The following TDRD12 variants were observed in gnomAD, a reference collection of about 807,000 sequenced individuals.
TDRD12 encodes the protein putative ATP-dependent RNA helicase TDRD12.
A neutral mutation model predicts 133.5 loss-of-function variants in TDRD12; 158 were observed. The ratio of observed to expected loss-of-function variants is 1.18; its 90% CI spans 1.04 to 1.35. The LOEUF (loss-of-function observed/expected upper bound fraction) is 1.35. Among genes scored for constraint, TDRD12 ranks in the 40% most tolerant of loss-of-function variants. The pLI is 0.00. For synonymous variants in TDRD12, 460 were observed against 477.9 expected (o/e 0.96, Z 0.49); for missense variants, 1,443 against 1,321.3 (o/e 1.09, Z -1.43).
intron 6 of TDRD12, among the ~76,000 whole-genome samples, chr19:32,755,700 G>T (rs1969971678): frequency 6.6e-6 from 1 of 152,220 alleles, no homozygotes; most frequent in African/African-American, 2.4e-5. Context: ...TTCGTGTTTT[G>T]TCTCTGTCCT....
intron 1 of TDRD12, among the ~76,000 whole-genome samples, chr19:32,721,869 G>T (rs962228984): frequency 5.3e-5 from 8 of 150,000 alleles, no homozygotes; most frequent in African/African-American, 2.0e-4. Context: ...CACCACGCCT[G>T]GCTAATTTTT....
chr19:32,729,783 T>C (rs1276059802), intron 1 of TDRD12, among the ~76,000 whole-genome samples: 5 of 114,242 alleles, frequency 4.4e-5, no homozygotes, highest in Admixed American at 8.3e-5. Context: ...TTTTTCTTTT[T>C]TTTTTTTTTT....
At chr19:32,781,104 G>A (rs1358006711) in intron 11 of TDRD12, among the ~76,000 whole-genome samples, 1 of 151,874 alleles carries the variant, frequency 6.6e-6, no homozygotes, top group African/African-American at 2.4e-5. Flanking sequence ...CATCACGCCT[G>A]GCTAATTTTT....
chr19:32,794,091 G>C (rs1428544109), intron 13 of TDRD12, among the ~76,000 whole-genome samples: 18 of 112,130 alleles, frequency 1.6e-4, no homozygotes, highest in Admixed American at 1.5e-3. Context: ...ACTGTGCCTG[G>C]CTTTTTTTTT....
In TDRD12 at chr19:32,800,083, T is replaced by C. The variant is rs972128633; in HGVS notation, c.1759-84T>C. Reference sequence around the variant, plus strand: ...TTCTCCACTCTGAGAACAGAAAATATACAAACCCTTACATTTTATGTTCTG... The same window carrying C: ...TTCTCCACTCTGAGAACAGAAAATACACAAACCCTTACATTTTATGTTCTG... On this transcript the variant is annotated intron_variant, in intron 16 of 27. Coordinates refer to ENST00000444215, the Ensembl canonical transcript of TDRD12. The C allele has an allele frequency of 5.9e-6, 5 of 844,568 alleles. No homozygotes were observed. The African/African-American group carries it at 6.9e-5, about 12-fold the overall frequency. The allele number at this position is 844,568 out of a possible 1,614,324, so 52.3% of individuals were successfully genotyped here.
At chr19:32,790,388 C>A in intron 11 of TDRD12, 143 bp from the exon 12 acceptor site, 1 of 794,230 alleles carries the variant, frequency 1.3e-6, no homozygotes, top group Non-Finnish European at 2.0e-6. Context: ...ATAAACCAAG[C>A]AGAACAGAAC....
At chr19:32,726,785 T>C (rs930738139) in intron 1 of TDRD12, among the ~76,000 whole-genome samples, 1 of 152,192 alleles carries the variant, frequency 6.6e-6, no homozygotes, top group African/African-American at 2.4e-5. Context: ...TTTCCTTCCT[T>C]GTTCAGACTG....
At chr19:32,771,723 G>GT (rs1381161938) in intron 8 of TDRD12, among the ~76,000 whole-genome samples, 2 of 151,942 alleles carry the variant, frequency 1.3e-5, no homozygotes, top group Non-Finnish European at 2.9e-5. Context: ...TGGTTCCAGA[G>GT]TTTATCTTTT....
At chr19:32,813,909 G>T in intron 25 of TDRD12, 133 bp downstream of exon 25, 1 of 623,310 alleles carries the variant, frequency 1.6e-6, no homozygotes, top group South Asian at 2.0e-5. Flanking sequence ...TTAGGGAGAG[G>T]TGTTTTTCAT....
intron 25 of TDRD12, 102 bp downstream of exon 25, chr19:32,813,878 G>A (rs1170815847): frequency 2.2e-5 from 15 of 691,784 alleles, no homozygotes; most frequent in Non-Finnish European, 2.9e-5. Context: ...GCATAGAAAC[G>A]GTGACTTATT....
chr19:32,798,374 T>C, exon 16 of TDRD12: 1 of 1,535,208 alleles, frequency 6.5e-7, no homozygotes. Context: ...CTGCTGTTCC[T>C]CAGGCTCTGC....
At chr19:32,800,969 G>C (rs577623614) in intron 18 of TDRD12, among the ~76,000 whole-genome samples, 197 bp downstream of exon 18, 2 of 144,708 alleles carry the variant, frequency 1.4e-5, no homozygotes, top group Admixed American at 1.3e-4. Flanking sequence ...AGCCAGGTGC[G>C]GGGGCAGGGC....
intron 1 of TDRD12, among the ~76,000 whole-genome samples, chr19:32,730,003 G>A (rs1339484155): frequency 6.6e-6 from 1 of 151,658 alleles, no homozygotes; most frequent in Non-Finnish European, 1.5e-5. Context: ...TGTTAGCTAG[G>A]ATGGTCTCGA....
At chr19:32,732,725 G>A (rs1254760767) in intron 2 of TDRD12, among the ~76,000 whole-genome samples, 1 of 152,164 alleles carries the variant, frequency 6.6e-6, no homozygotes, top group African/African-American at 2.4e-5. Context: ...ATGAGAAAAA[G>A]CAGAAATAAT....
At chr19:32,783,554 C>T (rs74954502) in intron 11 of TDRD12, among the ~76,000 whole-genome samples, 23,237 of 152,062 alleles carry the variant, frequency 0.15, 1,849 homozygotes, top group East Asian at 0.28. Flanking sequence ...TTACTTTGGG[C>T]AGTAAGACCA....
intron 4 of TDRD12, among the ~76,000 whole-genome samples, chr19:32,744,060 C>G (rs1214599724): frequency 1.3e-5 from 2 of 151,090 alleles, no homozygotes; most frequent in Non-Finnish European, 2.9e-5. Flanking sequence ...TGTTGAAACT[C>G]TTTGTCAACA....
At chr19:32,743,186 T>C (rs527451327) in intron 4 of TDRD12, among the ~76,000 whole-genome samples, 1 of 152,398 alleles carries the variant, frequency 6.6e-6, no homozygotes, top group African/African-American at 2.4e-5. Context: ...ATTATACATG[T>C]GTACACGCGC....
chr19:32,780,795 G>T lies in TDRD12; in HGVS notation c.1121+3566G>T, dbSNP rs200160294. On this transcript the variant is annotated intron_variant, in intron 11 of 27. Transcript: ENST00000444215. ...TTATCTTGTTTTTTTCTTTCCTTGGGTTTTTTTTTTTTTAATGGGGTCTCA... is the reference window on the plus strand; with the variant it reads ...TTATCTTGTTTTTTTCTTTCCTTGGTTTTTTTTTTTTTTAATGGGGTCTCA... Among the ~76,000 whole-genome samples the T allele has an allele frequency of 7.5e-4, 108 of 143,376 alleles. 1 individual carries two copies. The Middle Eastern group carries it at 0.025, about 33-fold the overall frequency. The allele number at this position is 143,376 out of a possible 152,430, so 94.1% of individuals were successfully genotyped here.
rs1280524433 is a variant in TDRD12 at position 32,773,488 on chromosome 19, A to C, written c.996A>C (p.Lys332Asn). The C allele has an allele frequency of 2.6e-6, 4 of 1,551,840 alleles. No homozygotes were observed. In the Middle Eastern group the frequency reaches 5.0e-4, roughly 194 times the overall value. ...AATCCTCAGTGTACTGGCCAGCAAA[A>C]AGAGGCATAACCATATATGCTGATC... Residue 332 changes from lysine to asparagine, a missense_variant, in exon 10 of 28, where the codon AAA becomes AAC. By Grantham distance (94) the Lys-to-Asn change is moderately conservative. Transcript: ENST00000444215.
Sources: allele counts gnomAD v4.1 joint callset (sites outside exome capture counted in the v4.1 genomes callset), GRCh38; gene constraint gnomAD v4.1.1; transcripts MANE v1.5; gene names NCBI Gene and HGNC (gene_info 2026-07-23, HGNC 2026-07-21).